Variants in CDH4 observed in about 807,000 individuals in gnomAD.
The protein encoded by CDH4 is cadherin 4.
CDH4 carries 33 observed loss-of-function variants against 86.0 expected under a neutral mutation model. The ratio of observed to expected loss-of-function variants is 0.38; its 90% CI spans 0.29 to 0.51. The LOEUF (loss-of-function observed/expected upper bound fraction) is 0.51. CDH4 is among the 20% of genes least tolerant of loss of function. The pLI, the probability that CDH4 is intolerant of heterozygous loss-of-function variation, is 0.86. For synonymous variants in CDH4, 555 were observed against 549.4 expected (o/e 1.01, Z -0.14); for missense variants, 1,114 against 1,307.4 (o/e 0.85, Z 2.28).
chr20:61,549,491 TA>T (rs1415665948), intron 2 of CDH4, among the ~76,000 whole-genome samples: 8 of 152,290 alleles, frequency 5.3e-5, no homozygotes, highest in African/African-American at 4.8e-5. Context: ...AAGGGAGGTT[TA>T]GGGGGCAGGA....
intron 3 of CDH4, among the ~76,000 whole-genome samples, chr20:61,767,629 C>T (rs2088716107): frequency 6.6e-6 from 1 of 152,194 alleles, no homozygotes. Context: ...TTGGGCCGCT[C>T]CTGCCCACTG....
chr20:61,280,435 A>C (rs529280718), intron 2 of CDH4, among the ~76,000 whole-genome samples: 3 of 152,148 alleles, frequency 2.0e-5, no homozygotes, highest in African/African-American at 7.2e-5. Flanking sequence ...GCCGCGGCAC[A>C]CACAGCCCCT....
chr20:61,615,606 C>T (rs904129109), intron 2 of CDH4, among the ~76,000 whole-genome samples: 1 of 152,168 alleles, frequency 6.6e-6, no homozygotes, highest in Non-Finnish European at 1.5e-5. Context: ...TCTGATGATT[C>T]AGGATTTGAC....
chr20:61,385,850 C>A (rs1461302543), intron 2 of CDH4, among the ~76,000 whole-genome samples: 1 of 152,190 alleles, frequency 6.6e-6, no homozygotes, highest in Non-Finnish European at 1.5e-5. Flanking sequence ...CCCCGAGTGC[C>A]CAGGCCTCCT....
At chr20:61,592,447 A>T (rs1017063100) in intron 2 of CDH4, among the ~76,000 whole-genome samples, 7 of 151,830 alleles carry the variant, frequency 4.6e-5, no homozygotes, top group Non-Finnish European at 8.8e-5. Context: ...TTTTAAAATC[A>T]ACTTGGTTGA....
chr20:61,708,894 G>A lies in CDH4; in HGVS notation c.170-34669G>A, dbSNP rs577800204. Among the ~76,000 whole-genome samples, 2 of 152,230 alleles carry A rather than the reference G, an allele frequency of 1.3e-5. No homozygotes were observed. The highest frequency in any genetic ancestry group is 2.9e-5 in the Non-Finnish European group (2 of 68,034). On this transcript the variant is annotated intron_variant, in intron 2 of 15. Coordinates refer to ENST00000614565, the MANE Select transcript of CDH4 (RefSeq NM_001794.5). The surrounding 1 kb of genome is among the most constrained non-coding windows in gnomAD (Gnocchi z 4.5). The stretch of plus-strand genomic sequence containing the variant: ...CTTTTCCTGGTAATTTAGTTCTATC[G>A]TATTTTACAAAGTATCAGCTTGTGA...
At chr20:61,731,348 C>T (rs1379947093) in intron 2 of CDH4, among the ~76,000 whole-genome samples, 3 of 152,160 alleles carry the variant, frequency 2.0e-5, no homozygotes, top group Admixed American at 1.3e-4. Flanking sequence ...CCTTCCTGAC[C>T]GCCACCCTCC....
At chr20:61,384,995 A>T (rs1157849064) in intron 2 of CDH4, among the ~76,000 whole-genome samples, 7 of 152,176 alleles carry the variant, frequency 4.6e-5, no homozygotes, top group Non-Finnish European at 2.9e-5. Flanking sequence ...ACTGGTGAGA[A>T]TCTTCCTACG....
chr20:61,645,306 C>G (rs1305175193), intron 2 of CDH4, among the ~76,000 whole-genome samples: 1 of 152,168 alleles, frequency 6.6e-6, no homozygotes, highest in African/African-American at 2.4e-5. Flanking sequence ...GTTACTTAAC[C>G]TCTCTGAGCA....
rs1030793048 is a variant in CDH4 at position 61,775,125 on chromosome 20, A to G, written c.576+1943A>G. Among the ~76,000 whole-genome samples, 72 of 152,196 alleles carry G rather than the reference A, an allele frequency of 4.7e-4. 1 individual carries two copies. The highest frequency in any genetic ancestry group is 1.5e-3 in the African/African-American group (64 of 41,440). The stretch of plus-strand genomic sequence containing the variant: ...ACTGTTTATCCCCAAAGGAGATTGT[A>G]TACCAAACCACAGTTTGATCACTGG... On this transcript the variant is annotated intron_variant, in intron 4 of 15. Transcript: ENST00000614565.
chr20:61,739,764 G>A (rs1439746130), intron 2 of CDH4, among the ~76,000 whole-genome samples: 4 of 152,254 alleles, frequency 2.6e-5, no homozygotes, highest in Non-Finnish European at 4.4e-5. Flanking sequence ...GGTTCAGGCA[G>A]ACAGCAGGCC....
intron 4 of CDH4, among the ~76,000 whole-genome samples, chr20:61,788,863 A>G (rs1368779599): frequency 6.6e-6 from 1 of 152,216 alleles, no homozygotes; most frequent in Non-Finnish European, 1.5e-5. Flanking sequence ...GGGGAATTGC[A>G]TCTTGGAAAT....
intron 2 of CDH4, among the ~76,000 whole-genome samples, chr20:61,363,428 C>T (rs2084795080): frequency 6.6e-6 from 1 of 152,106 alleles, no homozygotes; most frequent in South Asian, 2.1e-4. Context: ...CTCTCTCTCT[C>T]ACATACACAC....
Position 61,794,142 on chromosome 20 carries a change from C to CAA in CDH4, c.576+20974_576+20975dup, listed in dbSNP as rs59426596. Reference sequence around the variant, plus strand: ...TGGGCAACAGAGTGAGACTCTATCTCAAAAAAAAAAAAAAAGAATGAGCCT... The same window carrying CAA: ...TGGGCAACAGAGTGAGACTCTATCTCAAAAAAAAAAAAAAAAAGAATGAGCCT... On this transcript the variant is annotated intron_variant, in intron 4 of 15. Coordinates refer to ENST00000614565, the MANE Select transcript of CDH4 (RefSeq NM_001794.5). Among the ~76,000 whole-genome samples, 125 of 121,640 alleles carry CAA rather than the reference C, an allele frequency of 1.0e-3. 8 individuals are homozygous for CAA. The highest frequency in any genetic ancestry group is 3.4e-3 in the Admixed American group (40 of 11,738). 79.8% of individuals were successfully genotyped at this position (121,640 alleles called of 152,430 possible). A position where few individuals can be genotyped will look rare whatever the true frequency, so the allele number is the denominator to read the frequency against.
intron 7 of CDH4, among the ~76,000 whole-genome samples, chr20:61,889,158 C>T (rs1451975511): frequency 6.6e-6 from 1 of 152,226 alleles, no homozygotes; most frequent in Non-Finnish European, 1.5e-5. Flanking sequence ...CCTTCCTCAA[C>T]CAGCTCCCCT....
intron 2 of CDH4, chr20:61,369,774 C>T (rs552459348): frequency 2.0e-5 from 3 of 151,680 alleles, no homozygotes; most frequent in African/African-American, 7.3e-5. Context: ...GGACAGGGCT[C>T]GGGGGCACTT....
intron 2 of CDH4, among the ~76,000 whole-genome samples, chr20:61,533,221 A>G (rs1322758324): frequency 6.6e-6 from 1 of 152,200 alleles, no homozygotes; most frequent in Non-Finnish European, 1.5e-5. Flanking sequence ...GGGATCCACA[A>G]CAGCCAGTGC....
chr20:61,520,070 G>A (rs1235327863), intron 2 of CDH4, among the ~76,000 whole-genome samples: 2 of 152,146 alleles, frequency 1.3e-5, no homozygotes, highest in Non-Finnish European at 2.9e-5. Context: ...ATCTGCCTGC[G>A]GGTTTCTACC....
At chr20:61,625,089 G>T (rs1244969860) in intron 2 of CDH4, among the ~76,000 whole-genome samples, 2 of 152,188 alleles carry the variant, frequency 1.3e-5, no homozygotes, top group Non-Finnish European at 2.9e-5. Flanking sequence ...GGCCTCTCGT[G>T]TTGCCCTTTG....
Sources: allele counts gnomAD v4.1 joint callset (sites outside exome capture counted in the v4.1 genomes callset), GRCh38; gene constraint gnomAD v4.1.1; non-coding constraint Gnocchi (gnomAD v3.1); transcripts MANE v1.5; gene names NCBI Gene and HGNC (gene_info 2026-07-23, HGNC 2026-07-21).